MYO5C: variants seen among roughly 807,000 people sequenced by gnomAD.
MYO5C encodes unconventional myosin-Vc.
A neutral mutation model predicts 235.7 loss-of-function variants in MYO5C; 194 were observed. The observed-to-expected ratio is 0.82, with a 90% CI of 0.73 to 0.93. The LOEUF (loss-of-function observed/expected upper bound fraction) is 0.93. Among genes scored for constraint, MYO5C ranks in the 40% least tolerant of loss-of-function variants. The pLI, the probability that MYO5C is intolerant of heterozygous loss-of-function variation, is 0.00. For synonymous variants in MYO5C, 707 were observed against 754.8 expected (o/e 0.94, Z 1.04); for missense variants, 2,038 against 2,127.2 (o/e 0.96, Z 0.82).
At chr15:52,282,740 G>T in intron 2 of MYO5C, 42 bp downstream of exon 2, 2 of 1,378,988 alleles carry the variant, frequency 1.5e-6, no homozygotes, top group Non-Finnish European at 2.1e-6. Context: ...CCCAGCTACC[G>T]CTTTACACAT....
intron 1 of MYO5C, among the ~76,000 whole-genome samples, chr15:52,290,658 G>A (rs919531027): frequency 6.7e-6 from 1 of 148,290 alleles, no homozygotes; most frequent in Non-Finnish European, 1.5e-5. Flanking sequence ...CCAGAGGCAT[G>A]CCACAGAGCT....
In MYO5C at chr15:52,278,841, G is replaced by A. The variant is rs200263632; in HGVS notation, c.449+32C>T. On this transcript the variant is annotated intron_variant, in intron 4 of 40. Coordinates refer to ENST00000261839, the MANE Select transcript of MYO5C (RefSeq NM_018728.4). ...GGCAAATGCAGGGAGCATTGGCAGA[G>A]CAAGGGGAAGTCCAGCTTGGCAGGA... 1.7e-5 allele frequency: 28 copies of A among 1,611,402 alleles called. No individual in the cohort carries two copies. The East Asian group carries it at 5.8e-4, about 33-fold the overall frequency.
chr15:52,243,119 T>A (rs1426302308), intron 19 of MYO5C: 1 of 152,224 alleles, frequency 6.6e-6, no homozygotes, highest in Non-Finnish European at 1.5e-5. Context: ...TCCATTCTTA[T>A]GAATGCACCC....
At chr15:52,276,986 G>A (rs2037065388) in intron 4 of MYO5C, 3 of 409,516 alleles carry the variant, frequency 7.3e-6, no homozygotes, top group Non-Finnish European at 9.9e-6. Context: ...GGTGACTCAG[G>A]GGTGGAGTGA....
intron 7 of MYO5C, 113 bp downstream of exon 7, chr15:52,271,649 CT>C (rs1175299753): frequency 2.4e-5 from 14 of 588,952 alleles, no homozygotes; most frequent in African/African-American, 3.8e-5. Flanking sequence ...ACCAAAGAAT[CT>C]TGTATCTTTG....
At chr15:52,285,373 G>GA (rs146144623) in intron 1 of MYO5C, among the ~76,000 whole-genome samples, 30,065 of 145,808 alleles carry the variant, frequency 0.21, 3,729 homozygotes, top group African/African-American at 0.33. Flanking sequence ...TGTCTCAAAT[G>GA]AAAAAAAAAC....
intron 6 of MYO5C, among the ~76,000 whole-genome samples, chr15:52,272,121 A>T (rs2036937861): frequency 6.6e-6 from 1 of 152,156 alleles, no homozygotes; most frequent in Non-Finnish European, 1.5e-5. Flanking sequence ...ATTTTTACAA[A>T]CTTCCTGCAA....
chr15:52,223,330 G>A (rs1230372152), intron 29 of MYO5C, among the ~76,000 whole-genome samples: 1 of 152,108 alleles, frequency 6.6e-6, no homozygotes, highest in Non-Finnish European at 1.5e-5. Flanking sequence ...CACAGCGCCT[G>A]CAGCCATCCT....
At position 52,251,173 on chromosome 15, in the gene MYO5C, T is replaced by G. The variant is rs556841947; in HGVS notation, c.1662+217A>C. 1.4e-5 allele frequency: 5 copies of G among 352,674 alleles called. No homozygotes were observed. In the South Asian group the frequency reaches 5.7e-4, roughly 40 times the overall value. The allele number at this position is 352,674 out of a possible 1,614,324, so 21.8% of individuals were successfully genotyped here. A position where few individuals can be genotyped will look rare whatever the true frequency, so the allele number is the denominator to read the frequency against. On this transcript the variant is annotated intron_variant, in intron 13 of 40. Transcript: ENST00000261839. ...ACTTCAGTACATCCAAAATCAGAAG[T>G]GTGGTCTTCTAACAACACATTCGTC...
At chr15:52,224,472 G>A (rs1032341053) in intron 28 of MYO5C, among the ~76,000 whole-genome samples, 1 of 152,194 alleles carries the variant, frequency 6.6e-6, no homozygotes, top group Non-Finnish European at 1.5e-5. Context: ...GGTTTGGGAA[G>A]TTGACAGTGG....
chr15:52,266,012 G>A (rs2036802474), intron 8 of MYO5C, among the ~76,000 whole-genome samples: 1 of 152,156 alleles, frequency 6.6e-6, no homozygotes, highest in South Asian at 2.1e-4. Flanking sequence ...CTCCACCACA[G>A]TAATGACAGG....
At chr15:52,207,200 A>G (rs2035340253) in intron 36 of MYO5C, among the ~76,000 whole-genome samples, 2 of 152,200 alleles carry the variant, frequency 1.3e-5, no homozygotes, top group African/African-American at 4.8e-5. Context: ...AAAAGGAACA[A>G]GAGAAATTTT....
intron 36 of MYO5C, 77 bp from the exon 37 acceptor site, chr15:52,206,043 T>C: frequency 1.1e-6 from 1 of 909,346 alleles, no homozygotes; most frequent in South Asian, 2.4e-5. Flanking sequence ...CTATAACTCT[T>C]TTACCTTAAA....
chr15:52,263,509 C>G (rs1336690325), intron 9 of MYO5C, among the ~76,000 whole-genome samples: 4 of 152,142 alleles, frequency 2.6e-5, no homozygotes, highest in African/African-American at 9.7e-5. Context: ...CTACCCAGTG[C>G]CCTTAAGGTC....
intron 20 of MYO5C, among the ~76,000 whole-genome samples, chr15:52,240,805 T>C (rs930748424): frequency 2.0e-5 from 3 of 152,144 alleles, no homozygotes; most frequent in Admixed American, 6.5e-5. Flanking sequence ...CCCCAAAATA[T>C]ACTGTTCAGG....
rs564152867 is a variant in MYO5C, at chr15:52,256,902, C to G, written c.1314-182G>C. 1.7e-4 allele frequency: 92 copies of G among 547,254 alleles called. No homozygotes were observed. The African/African-American group carries it at 1.7e-3, about 10-fold the overall frequency. The allele number at this position is 547,254 out of a possible 1,614,324, so 33.9% of individuals were successfully genotyped here. On this transcript the variant is annotated intron_variant, in intron 10 of 40. Coordinates refer to ENST00000261839, the MANE Select transcript of MYO5C (RefSeq NM_018728.4). ...AGTCAGTTTATAAATAACCCTTTTC[C>G]TGGTTGTCCCCCGGAAGAAATCTGG...
intron 13 of MYO5C, chr15:52,251,132 T>C (rs2141333925): frequency 3.6e-6 from 1 of 277,522 alleles, no homozygotes; most frequent in East Asian, 6.1e-5. Flanking sequence ...TGATAAGAGG[T>C]TAATGAAATT....
chr15:52,251,768 G>A (rs1407945425), intron 12 of MYO5C, among the ~76,000 whole-genome samples: 10 of 151,994 alleles, frequency 6.6e-5, no homozygotes, highest in African/African-American at 2.4e-4. Context: ...GGGTTCAAGC[G>A]ATTCTCCTGC....
chr15:52,248,756 C>T lies in MYO5C; in HGVS notation c.1690G>A (p.Glu564Lys), dbSNP rs1159253197. 1.9e-6 allele frequency: 3 copies of T among 1,614,016 alleles called. No individual in the cohort carries two copies. Among genetic ancestry groups the T allele is most frequent in the African/African-American group, 1.3e-5 (1 of 75,018 alleles). Residue 564 changes from glutamate (E) to lysine (K), a missense_variant, in exon 14 of 41, where the codon GAG becomes AAG. By Grantham distance (56) the Glu-to-Lys change is moderately conservative. Coordinates refer to ENST00000261839, the MANE Select transcript of MYO5C (RefSeq NM_018728.4). ...TCATAGACGGTGTCTCTGTTTTTCT[C>T]CAGGAAACCTTCACATTTATACTCT... ...KVEYKCEGFLEKNRDTVYDML... is the reference protein window; with the variant it reads ...KVEYKCEGFLKKNRDTVYDML...
Sources: allele counts gnomAD v4.1 joint callset (sites outside exome capture counted in the v4.1 genomes callset), GRCh38; gene constraint gnomAD v4.1.1; transcripts MANE v1.5; gene names NCBI Gene and HGNC (gene_info 2026-07-23, HGNC 2026-07-21).